OPA1: variants seen among roughly 807,000 people sequenced by gnomAD.
OPA1 encodes the protein OPA1 mitochondrial dynamin like GTPase.
OPA1 carries 59 observed loss-of-function variants against 152.9 expected under a neutral mutation model. That is an observed-to-expected ratio of 0.39 (90% confidence interval 0.31 to 0.48). The LOEUF is 0.48. Among genes scored for constraint, OPA1 ranks in the 20% least tolerant of loss-of-function variants. The pLI, the probability that OPA1 is intolerant of heterozygous loss-of-function variation, is 0.96. For synonymous variants in OPA1, 400 were observed against 389.9 expected (o/e 1.03, Z -0.31); for missense variants, 1,008 against 1,216.8 (o/e 0.83, Z 2.55).
chr3:193,623,595 T>C (rs1700033458), intron 6 of OPA1, among the ~76,000 whole-genome samples: 1 of 152,208 alleles, frequency 6.6e-6, no homozygotes, highest in Admixed American at 6.5e-5. Context: ...ATTAAGAGAC[T>C]ATATCATCTG....
intron 27 of OPA1, 36 bp from the exon 28 acceptor site, chr3:193,666,260 T>G: frequency 6.4e-7 from 1 of 1,554,460 alleles, no homozygotes; most frequent in Non-Finnish European, 8.9e-7. Flanking sequence ...TCATTTTAAC[T>G]TTGCATCTGG....
In OPA1 at chr3:193,658,870, CTTCTT is replaced by C; in HGVS notation, c.2332-16_2332-12del. ...GATGTAAAACAAGTTGGCTTTTTCT[CTTCTT>C]GTTATTTTCAGAGGGTTATTCAACA... On this transcript the variant is annotated splice_polypyrimidine_tract_variant and intron_variant, in intron 23 of 30. Transcript: ENST00000361510. 6.3e-7 allele frequency: 1 copy of C among 1,591,636 alleles called. No individual in the cohort carries two copies. Among genetic ancestry groups the C allele is most frequent in the Non-Finnish European group, 8.6e-7 (1 of 1,159,760 alleles).
chr3:193,604,041 A>G (rs1463707341), intron 1 of OPA1, among the ~76,000 whole-genome samples: 2 of 152,198 alleles, frequency 1.3e-5, no homozygotes, highest in African/African-American at 4.8e-5. Context: ...TTGGAATTTA[A>G]TAGACTTTCC....
At chr3:193,622,246 T>C (rs1730245434) in intron 6 of OPA1, among the ~76,000 whole-genome samples, 1 of 136,084 alleles carries the variant, frequency 7.3e-6, no homozygotes, top group Non-Finnish European at 1.7e-5. Flanking sequence ...TTTTTTTTTT[T>C]TGAGACGGAG....
rs752791350 is a variant in OPA1, at chr3:193,644,035, A to G, written c.1538A>G (p.His513Arg). Residue 513 changes from histidine to arginine, a missense_variant, in exon 16 of 31, where the codon CAT becomes CGT. Transcript: ENST00000361510. ...GACTTGGTCAGTCAAATGGACCCTC[A>G]TGGAAGGAGAACCATATTCGTTTTG... Reference protein sequence around the residue: ...VTDLVSQMDPHGRRTIFVLTK... With the variant: ...VTDLVSQMDPRGRRTIFVLTK... The G allele has an allele frequency of 1.2e-6, 2 of 1,613,910 alleles. No homozygotes were observed. The highest frequency in any genetic ancestry group is 1.1e-5 in the South Asian group (1 of 91,078).
Position 193,617,294 on chromosome 3 carries a change from G to A in OPA1, c.556+9G>A, listed in dbSNP as rs1347459284. On this transcript the variant is annotated intron_variant, in intron 4 of 30. Transcript: ENST00000361510. The stretch of plus-strand genomic sequence containing the variant: ...GGACTTTTTTACCTCAGGTAAGGAA[G>A]AAGCTGTTTGATCTAATTTAAAAAT... 2 of 1,496,934 alleles carry A rather than the reference G, an allele frequency of 1.3e-6. No homozygotes were observed. The highest frequency in any genetic ancestry group is 1.9e-6 in the Non-Finnish European group (2 of 1,074,252). The allele number at this position is 1,496,934 out of a possible 1,614,324, so 92.7% of individuals were successfully genotyped here.
At chr3:193,628,764 T>C (rs1400016013) in intron 7 of OPA1, 3 of 152,228 alleles carry the variant, frequency 2.0e-5, no homozygotes, top group Non-Finnish European at 4.4e-5. Context: ...GAGTGACAGA[T>C]TGAAAATAGC....
intron 16 of OPA1, among the ~76,000 whole-genome samples, chr3:193,644,382 C>T (rs947195653): frequency 6.6e-6 from 1 of 152,142 alleles, no homozygotes; most frequent in African/African-American, 2.4e-5. Flanking sequence ...AGAGACTCAG[C>T]TCCTAAGGTT....
intron 6 of OPA1, among the ~76,000 whole-genome samples, chr3:193,623,344 T>C (rs773144160): frequency 1.9e-4 from 29 of 152,204 alleles, no homozygotes; most frequent in Non-Finnish European, 4.0e-4. Context: ...CAAGATTACT[T>C]AAACTCTTCT....
chr3:193,617,632 C>T (rs1227617773), intron 4 of OPA1, 152 bp from the exon 5 acceptor site: 11 of 692,890 alleles, frequency 1.6e-5, no homozygotes, highest in Admixed American at 4.5e-5. Flanking sequence ...GTATGATAGA[C>T]CATAATGAGT....
rs765766805 is a variant in OPA1 at position 193,637,252 on chromosome 3, A to C, written c.1006A>C (p.Ser336Arg). Residue 336 changes from serine (S) to arginine (R), a missense_variant, in exon 10 of 31, where the codon AGT (serine) becomes CGT (arginine). By Grantham distance (110) the Ser-to-Arg change is moderately radical. This residue lies in a region of OPA1 where 408 missense variants were observed against 395.1 expected (regional missense o/e 1.03). Coordinates refer to ENST00000361510, the MANE Select transcript of OPA1 (RefSeq NM_130837.3). ...VLDVLSDYDA[S>R]YNTQDHLPRV... ...TGATGTTCTCTCTGATTATGATGCCAGTTATAATACGCAAGATCATCTGCC... is the reference window on the plus strand; with the variant it reads ...TGATGTTCTCTCTGATTATGATGCCCGTTATAATACGCAAGATCATCTGCC... The C allele has an allele frequency of 6.2e-7, 1 of 1,607,522 alleles. No individual in the cohort carries two copies. Among genetic ancestry groups the C allele is most frequent in the Non-Finnish European group, 8.5e-7 (1 of 1,175,292 alleles).
chr3:193,643,890 G>A (rs1180747734), intron 15 of OPA1, 85 bp from the exon 16 acceptor site: 1 of 1,369,204 alleles, frequency 7.3e-7, no homozygotes, highest in Non-Finnish European at 1.0e-6. Flanking sequence ...CTATAATGTA[G>A]ACACAGGGGT....
chr3:193,661,253 G>A (rs1392995630), intron 25 of OPA1, among the ~76,000 whole-genome samples: 1 of 152,230 alleles, frequency 6.6e-6, no homozygotes, highest in African/African-American at 2.4e-5. Context: ...TTTCAGGGCA[G>A]CATGTGTGAG....
intron 9 of OPA1, among the ~76,000 whole-genome samples, chr3:193,636,868 T>G (rs1733030518): frequency 6.6e-6 from 1 of 152,202 alleles, no homozygotes; most frequent in Non-Finnish European, 1.5e-5. Flanking sequence ...TTTTTGCCTT[T>G]TTGGTGTTAA....
At chr3:193,621,633 T>G (rs1428800467) in intron 6 of OPA1, among the ~76,000 whole-genome samples, 1 of 152,136 alleles carries the variant, frequency 6.6e-6, no homozygotes, top group Non-Finnish European at 1.5e-5. Flanking sequence ...TTGAAAAAAA[T>G]AGTAAAACCA....
At chr3:193,605,206 A>G (rs1336481893) in intron 1 of OPA1, among the ~76,000 whole-genome samples, 1 of 152,204 alleles carries the variant, frequency 6.6e-6, no homozygotes, top group Non-Finnish European at 1.5e-5. Context: ...AAGATCTATT[A>G]CTGTGGACAA....
rs1329385935 is a variant in OPA1, at chr3:193,631,622, A to G, written c.800A>G (p.Lys267Arg). 43 of 1,610,724 alleles carry G rather than the reference A, an allele frequency of 2.7e-5. No homozygotes were observed. Among genetic ancestry groups the G allele is most frequent in the Non-Finnish European group, 3.6e-5 (42 of 1,177,240 alleles). Reference protein sequence around the residue: ...YAQQKRKVSDKEKIDQLQEEL... With the variant: ...YAQQKRKVSDREKIDQLQEEL... ...ATTTTAAACATTTAGGTGTCAGACA[A>G]AGAGAAAATTGACCAACTTCAGGAA... Residue 267 changes from lysine (K) to arginine (R), a missense_variant, in exon 8 of 31, where the codon AAA becomes AGA. Transcript: ENST00000361510.
At chr3:193,671,757 A>G (rs1490502118) in intron 29 of OPA1, among the ~76,000 whole-genome samples, 2 of 152,228 alleles carry the variant, frequency 1.3e-5, no homozygotes, top group African/African-American at 4.8e-5. Context: ...TTTATGCATA[A>G]AAGGTTAAAA....
intron 16 of OPA1, among the ~76,000 whole-genome samples, chr3:193,644,528 G>A (rs1472881958): frequency 2.6e-5 from 4 of 152,316 alleles, no homozygotes; most frequent in Middle Eastern, 3.4e-3. Context: ...GTTTATATCA[G>A]TGTAGGGAAC....
Sources: gnomAD v4.1 joint callset for allele counts (sites outside exome capture counted in the v4.1 genomes callset) on GRCh38, gnomAD v4.1.1 for gene constraint, gnomAD v4.1.1 regional missense constraint, MANE v1.5 for transcripts, NCBI Gene and HGNC (gene_info 2026-07-23, HGNC 2026-07-21) for gene names.